Variants in COL26A1 observed in about 807,000 individuals in gnomAD.
COL26A1 encodes the protein collagen alpha-1(XXVI) chain.
A neutral mutation model predicts 59.3 loss-of-function variants in COL26A1; 41 were observed. That is an observed-to-expected ratio of 0.69 (90% CI 0.54 to 0.90). The LOEUF (loss-of-function observed/expected upper bound fraction) is 0.90, where lower values mean the gene tolerates loss of function less well. Among genes scored for constraint, COL26A1 ranks in the 40% least tolerant of loss-of-function variants. The pLI is 0.00. For synonymous variants in COL26A1, 266 were observed against 256.0 expected, an observed-to-expected ratio of 1.04 and a Z score of -0.37; for missense variants, 612 against 602.3, an observed-to-expected ratio of 1.02 and a Z score of -0.17.
chr7:101,547,730 T>G (rs1323763451), intron 8 of COL26A1, among the ~76,000 whole-genome samples: 1 of 152,266 alleles, frequency 6.6e-6, no homozygotes, highest in African/African-American at 2.4e-5. Context: ...CATTTGTTTA[T>G]TCACTGATTC....
At chr7:101,384,412 G>A (rs1791521294) in intron 1 of COL26A1, among the ~76,000 whole-genome samples, 6 of 151,904 alleles carry the variant, frequency 3.9e-5, no homozygotes, top group Admixed American at 3.9e-4. Context: ...ATTTTTAGTA[G>A]AGATGGGGTT....
Position 101,363,209 on chromosome 7 carries a change from AGGGGCCGG to A in COL26A1, c.158+24_158+31del. ...GCCGCCGGTGAGTAGCTCGGGGCCG[AGGGGCCGG>A]GGGGTGGGGGGAGGGAGCGGACAGC... On this transcript the variant is annotated intron_variant, in intron 1 of 12. Transcript: ENST00000313669. The A allele has an allele frequency of 1.7e-6, 1 of 603,944 alleles. No individual in the cohort carries two copies. Among genetic ancestry groups the A allele is most frequent in the South Asian group, 3.2e-5 (1 of 30,982 alleles). The allele number at this position is 603,944 out of a possible 1,614,324, so 37.4% of individuals were successfully genotyped here.
At chr7:101,387,772 A>ATTTTTTTTTTTTTTTTTTTTTT (rs1374717696) in intron 1 of COL26A1, among the ~76,000 whole-genome samples, 1 of 42,510 alleles carries the variant, frequency 2.4e-5, no homozygotes, top group Non-Finnish European at 4.8e-5. Flanking sequence ...ATATATATAT[A>ATTTTTTTTTTTTTTTTTTTTTT]TATATATTTT....
At chr7:101,397,193 G>A (rs1038974023) in intron 1 of COL26A1, among the ~76,000 whole-genome samples, 2 of 152,170 alleles carry the variant, frequency 1.3e-5, no homozygotes, top group Non-Finnish European at 2.9e-5. Context: ...CTTGTCACCT[G>A]TGTCATGTTT....
rs3072484 is a variant in COL26A1 at position 101,422,372 on chromosome 7, GAA to G, written c.281+2294_281+2295del. Among the ~76,000 whole-genome samples the G allele has an allele frequency of 4.4e-3, 321 of 72,914 alleles. 1 individual carries two copies. Among genetic ancestry groups the G allele is most frequent in the Middle Eastern group, 8.8e-3 (1 of 114 alleles). The allele number at this position is 72,914 out of a possible 152,430, so 47.8% of individuals were successfully genotyped here. ...AGAGAGATGGCAGTGGGTCCAAAAT[GAA>G]AAAAAAAAAAAAAAAAAAAAGCTTT... On this transcript the variant is annotated intron_variant, in intron 2 of 12. Transcript: ENST00000313669.
chr7:101,529,504 T>C (rs1428846877), intron 3 of COL26A1, among the ~76,000 whole-genome samples: 2 of 152,002 alleles, frequency 1.3e-5, no homozygotes, highest in Non-Finnish European at 2.9e-5. Flanking sequence ...CCTGATCCTC[T>C]CACCTCGGCC....
At chr7:101,555,247 G>A (rs1349119907) in intron 11 of COL26A1, among the ~76,000 whole-genome samples, 1 of 152,192 alleles carries the variant, frequency 6.6e-6, no homozygotes, top group East Asian at 1.9e-4. Context: ...CATCACGCCA[G>A]CCTGCCTGCC....
At chr7:101,456,931 C>T (rs910465421) in intron 3 of COL26A1, among the ~76,000 whole-genome samples, 4 of 152,160 alleles carry the variant, frequency 2.6e-5, no homozygotes, top group Admixed American at 6.5e-5. Flanking sequence ...CTGCCTGCCG[C>T]CCAGACAAAA....
chr7:101,453,386 A>G (rs1793390563), intron 3 of COL26A1, among the ~76,000 whole-genome samples: 1 of 152,154 alleles, frequency 6.6e-6, no homozygotes, highest in Non-Finnish European at 1.5e-5. Flanking sequence ...AAGAAATTTT[A>G]TGAGACCACT....
chr7:101,531,442 T>C (rs2130636112), intron 3 of COL26A1, among the ~76,000 whole-genome samples: 1 of 152,376 alleles, frequency 6.6e-6, no homozygotes, highest in South Asian at 2.1e-4. Flanking sequence ...GTTTGAATGT[T>C]CAGTGTTTAT....
At chr7:101,411,330 C>T (rs1001076841) in intron 1 of COL26A1, among the ~76,000 whole-genome samples, 1 of 152,096 alleles carries the variant, frequency 6.6e-6, no homozygotes, top group African/African-American at 2.4e-5. Context: ...AGAACCTTTC[C>T]TGGCTGGAGG....
intron 3 of COL26A1, 27 bp from the exon 4 acceptor site, chr7:101,533,055 C>A: frequency 6.3e-7 from 1 of 1,575,324 alleles, no homozygotes; most frequent in South Asian, 1.2e-5. Flanking sequence ...ACACTCTGCT[C>A]TCATATAAGT....
At chr7:101,450,852 A>G (rs990391606) in intron 3 of COL26A1, among the ~76,000 whole-genome samples, 1 of 138,812 alleles carries the variant, frequency 7.2e-6, no homozygotes, top group Non-Finnish European at 1.5e-5. Context: ...CTATATGAAT[A>G]TGGAATGTAG....
intron 12 of COL26A1, 41 bp downstream of exon 12, chr7:101,555,912 C>G (rs749184328): frequency 6.6e-7 from 1 of 1,515,634 alleles, no homozygotes; most frequent in Non-Finnish European, 9.0e-7. Context: ...AATCTCTCTC[C>G]CCTCCTTCCT....
intron 3 of COL26A1, among the ~76,000 whole-genome samples, chr7:101,453,756 C>T (rs899749953): frequency 6.6e-6 from 1 of 152,078 alleles, no homozygotes; most frequent in African/African-American, 2.4e-5. Flanking sequence ...TTTACATTCC[C>T]GAATATAAAC....
At chr7:101,422,055 T>C (rs941424391) in intron 2 of COL26A1, among the ~76,000 whole-genome samples, 2 of 152,026 alleles carry the variant, frequency 1.3e-5, no homozygotes, top group Non-Finnish European at 2.9e-5. Flanking sequence ...CTCACGCCTG[T>C]AATCCCAGCA....
At chr7:101,428,333 G>C (rs1304904950) in intron 2 of COL26A1, among the ~76,000 whole-genome samples, 1 of 142,366 alleles carries the variant, frequency 7.0e-6, no homozygotes, top group South Asian at 2.3e-4. Flanking sequence ...ACTCCAGCCT[G>C]GGCAACACAG....
chr7:101,501,027 C>CA (rs1794693088), intron 3 of COL26A1, among the ~76,000 whole-genome samples: 1 of 150,500 alleles, frequency 6.6e-6, no homozygotes, highest in Non-Finnish European at 1.5e-5. Context: ...ACTAAAAATA[C>CA]AAAAAAAGTT....
At chr7:101,526,761 G>A (rs990746052) in intron 3 of COL26A1, among the ~76,000 whole-genome samples, 9 of 152,174 alleles carry the variant, frequency 5.9e-5, no homozygotes, top group African/African-American at 2.2e-4. Flanking sequence ...GTGAGAGGCC[G>A]AGGAGGAGGT....
Sources: gnomAD v4.1 joint callset for allele counts (sites outside exome capture counted in the v4.1 genomes callset) on GRCh38, gnomAD v4.1.1 for gene constraint, MANE v1.5 for transcripts, NCBI Gene and HGNC (gene_info 2026-07-23, HGNC 2026-07-21) for gene names.